Variants in MRPS22 observed in about 807,000 individuals in gnomAD.
MRPS22 encodes the protein mitochondrial ribosomal protein S22, also known as small ribosomal subunit protein mS22.
MRPS22 carries 30 observed loss-of-function variants against 44.0 expected under a neutral mutation model. That is an observed-to-expected ratio of 0.68 (90% CI 0.51 to 0.93). The LOEUF is 0.93. Ranked by LOEUF, MRPS22 falls within the 40% of genes least tolerant of loss-of-function variation. The probability of loss-of-function intolerance (pLI) is 0.00; values close to 1 mark genes in which losing one functional copy is unlikely to be tolerated. For missense variants in MRPS22, 447 were observed against 447.8 expected (o/e 1.00, Z 0.02); for synonymous variants, 165 against 154.4 (o/e 1.07, Z -0.51).
At position 139,355,760 on chromosome 3, in the gene MRPS22, T is replaced by A. The variant is rs1319974049; in HGVS notation, c.957T>A (p.Asp319Glu). 1 of 1,614,142 alleles carries A rather than the reference T, an allele frequency of 6.2e-7. No homozygotes were observed. The highest frequency in any genetic ancestry group is 1.1e-5 in the South Asian group (1 of 91,084). ...PDGQSAQGAK[D>E]QAAEGINLIK... Reference sequence around the variant, plus strand: ...GCCAGTCGGCTCAAGGGGCCAAGGATCAGGCTGCTGAGGGAATAAATTTAA... The same window carrying A: ...GCCAGTCGGCTCAAGGGGCCAAGGAACAGGCTGCTGAGGGAATAAATTTAA... The change falls in exon 7 of 8, where the codon GAT becomes GAA. Residue 319 changes from aspartate to glutamate, a missense_variant. Coordinates refer to ENST00000680020, the MANE Select transcript of MRPS22 (RefSeq NM_020191.4).
At chr3:139,350,659 C>T (rs533637497) in intron 4 of MRPS22, 4 of 354,886 alleles carry the variant, frequency 1.1e-5, no homozygotes, top group South Asian at 2.3e-5. Context: ...AACTCCTGAC[C>T]TCGGGATTCG....
Position 139,352,808 on chromosome 3 carries a change from G to C in MRPS22, c.878+16G>C, listed in dbSNP as rs1361260497. The C allele has an allele frequency of 3.1e-6, 5 of 1,610,214 alleles. No individual in the cohort carries two copies. The highest frequency in any genetic ancestry group is 4.2e-6 in the Non-Finnish European group (5 of 1,177,666). ...AGAGAGATTTGTAAGTATGATCTTA[G>C]TAAGTGAAAGAATCATTCTTATTGC... On this transcript the variant is annotated intron_variant, in intron 6 of 7. Coordinates refer to ENST00000680020, the MANE Select transcript of MRPS22 (RefSeq NM_020191.4).
rs1940990182 is a variant in MRPS22, at chr3:139,344,165, G to A, written c.139G>A (p.Gly47Arg). 1 of 1,612,170 alleles carries A rather than the reference G, an allele frequency of 6.2e-7. No individual in the cohort carries two copies. Among genetic ancestry groups the A allele is most frequent in the Non-Finnish European group, 8.5e-7 (1 of 1,179,468 alleles). Residue 47 changes from glycine to arginine, a missense_variant, in exon 1 of 8, where the codon GGG becomes AGG. Transcript: ENST00000680020. The stretch of plus-strand genomic sequence containing the variant: ...ACCGCTACCTTGCTCTTTCGAGATG[G>A]GGCTGCCACGCCGCCGGTTCAGCTC... ...LQPLPCSFEM[G>R]LPRRRFSSEA...
At chr3:139,352,146 TTAA>T (rs1941162996) in intron 5 of MRPS22, 1 of 170,776 alleles carries the variant, frequency 5.9e-6, no homozygotes, top group African/African-American at 2.4e-5. Flanking sequence ...TAATCGGTGC[TTAA>T]TAAATTGTAG....
chr3:139,347,239 T>G (rs189429864), intron 2 of MRPS22, among the ~76,000 whole-genome samples, 195 bp downstream of exon 2: 2 of 152,284 alleles, frequency 1.3e-5, no homozygotes, highest in Admixed American at 6.5e-5. Context: ...TTGAGCAGAC[T>G]AGGGCATATG....
At chr3:139,347,085 AG>A in intron 2 of MRPS22, 41 bp downstream of exon 2, 1 of 1,610,716 alleles carries the variant, frequency 6.2e-7, no homozygotes, top group Non-Finnish European at 8.5e-7. Flanking sequence ...CCTTTCTTTA[AG>A]GGTTTAAACA....
At chr3:139,350,680 CCG>C (rs1491043604) in intron 4 of MRPS22, 195 of 362,722 alleles carry the variant, frequency 5.4e-4, no homozygotes, top group South Asian at 1.5e-3. Context: ...CACCCCCCCC[CCG>C]CAATCCGACT....
Position 139,348,118 on chromosome 3 carries a change from G to A in MRPS22, c.340-42G>A, listed in dbSNP as rs774469505. The A allele has an allele frequency of 1.7e-5, 27 of 1,600,916 alleles. No individual in the cohort carries two copies. In the South Asian group the frequency reaches 2.9e-4, roughly 17 times the overall value. On this transcript the variant is annotated intron_variant, in intron 2 of 7. Transcript: ENST00000680020. ...TTTTGTCAGATGATCCTTATATTAT[G>A]TAACCTTGTGGCTTTCCTTAATAAA...
At chr3:139,349,048 A>G (rs13083195) in intron 3 of MRPS22, 79,771 of 298,012 alleles carry the variant, frequency 0.27, 14,110 homozygotes, top group East Asian at 0.86. Context: ...ATCTTTTATT[A>G]TACATGATTA....
At chr3:139,350,471 A>G (rs2107789090) in intron 4 of MRPS22, 149 bp downstream of exon 4, 1 of 853,776 alleles carries the variant, frequency 1.2e-6, no homozygotes, top group African/African-American at 1.7e-5. Flanking sequence ...CCTTTTGCCC[A>G]GGCTGAAGTG....
intron 4 of MRPS22, 193 bp downstream of exon 4, chr3:139,350,515 C>T: frequency 1.7e-6 from 1 of 586,404 alleles, no homozygotes; most frequent in East Asian, 3.2e-5. Flanking sequence ...GCAACCTCCA[C>T]CTTCTGGTTT....
chr3:139,350,309 A>C lies in MRPS22; in HGVS notation c.635A>C (p.Glu212Ala). The change falls in exon 4 of 8, where the codon GAA becomes GCA. Residue 212 changes from glutamate to alanine, a missense_variant. Coordinates refer to ENST00000680020, the MANE Select transcript of MRPS22 (RefSeq NM_020191.4). ...ATTTTGACACCAATAATTTTCAAGG[A>C]AGAAAATCTTAGGGTAAGGTGACTT... ...RKILTPIIFK[E>A]ENLRTMYSQD... The C allele has an allele frequency of 6.2e-7, 1 of 1,614,198 alleles. No homozygotes were observed. The highest frequency in any genetic ancestry group is 8.5e-7 in the Non-Finnish European group (1 of 1,180,034).
intron 3 of MRPS22, among the ~76,000 whole-genome samples, chr3:139,349,675 T>A (rs891228186): frequency 6.6e-6 from 1 of 152,178 alleles, no homozygotes; most frequent in South Asian, 2.1e-4. Context: ...CCAGAGACAG[T>A]TGGACCAGAC....
intron 6 of MRPS22, among the ~76,000 whole-genome samples, chr3:139,354,361 C>G (rs1240211480): frequency 6.6e-6 from 1 of 152,166 alleles, no homozygotes; most frequent in African/African-American, 2.4e-5. Flanking sequence ...TATACTTAAG[C>G]ATGAACCTAA....
At chr3:139,344,542 A>G (rs1941001752) in intron 1 of MRPS22, 1 of 612,240 alleles carries the variant, frequency 1.6e-6, no homozygotes, top group Non-Finnish European at 2.9e-6. Context: ...GGACGCACAC[A>G]GGAGAGGCAC....
intron 5 of MRPS22, chr3:139,352,282 A>T (rs1374159140): frequency 4.8e-6 from 1 of 207,346 alleles, no homozygotes; most frequent in Non-Finnish European, 9.8e-6. Flanking sequence ...CTTCTCTTTT[A>T]ATTTTTTTAA....
At chr3:139,344,998 G>A (rs754845947) in intron 1 of MRPS22, among the ~76,000 whole-genome samples, 9 of 152,156 alleles carry the variant, frequency 5.9e-5, no homozygotes, top group Non-Finnish European at 1.3e-4. Flanking sequence ...AATATAAAGT[G>A]AGGAACATCG....
At chr3:139,350,641 T>G (rs2107789176) in intron 4 of MRPS22, 1 of 417,226 alleles carries the variant, frequency 2.4e-6, no homozygotes, top group East Asian at 5.2e-5. Context: ...TTGGCCAGGC[T>G]GGTCTTGAAC....
chr3:139,354,088 G>C (rs1050893979), intron 6 of MRPS22, among the ~76,000 whole-genome samples: 15 of 152,124 alleles, frequency 9.9e-5, no homozygotes, highest in Non-Finnish European at 2.1e-4. Context: ...GCTATTCCTA[G>C]GTAAAGGCCC....
Sources: allele counts gnomAD v4.1 joint callset (sites outside exome capture counted in the v4.1 genomes callset), GRCh38; gene constraint gnomAD v4.1.1; transcripts MANE v1.5; gene names NCBI Gene and HGNC (gene_info 2026-07-23, HGNC 2026-07-21).